Variants in CEP76 observed in about 807,000 individuals in gnomAD.
The protein encoded by CEP76 is centrosomal protein of 76 kDa.
A neutral mutation model predicts 83.3 loss-of-function variants in CEP76; 55 were observed. The ratio of observed to expected loss-of-function variants is 0.66; its 90% CI spans 0.53 to 0.83. The LOEUF (loss-of-function observed/expected upper bound fraction) is 0.83, where lower values mean the gene tolerates loss of function less well. Ranked by LOEUF, CEP76 falls within the 40% of genes least tolerant of loss-of-function variation. CEP76 has a pLI of 0.00. For synonymous variants in CEP76, 270 were observed against 274.5 expected (o/e 0.98, Z 0.16); for missense variants, 694 against 799.5 (o/e 0.87, Z 1.59).
chr18:12,697,528 C>CT (rs2039998709), intron 4 of CEP76, 120 bp from the exon 5 acceptor site: 2 of 695,136 alleles, frequency 2.9e-6, no homozygotes, highest in Non-Finnish European at 4.5e-6. Flanking sequence ...GAACAATTTG[C>CT]TAATGTCTCA....
intron 5 of CEP76, among the ~76,000 whole-genome samples, chr18:12,696,698 CTA>C (rs2039970029): frequency 1.3e-5 from 2 of 152,000 alleles, no homozygotes; most frequent in African/African-American, 2.4e-5. Context: ...TCCAAGGAGA[CTA>C]TGATAAATAA....
At chr18:12,678,660 C>T (rs1459866174) in intron 9 of CEP76, among the ~76,000 whole-genome samples, 2 of 151,986 alleles carry the variant, frequency 1.3e-5, no homozygotes, top group South Asian at 2.1e-4. Flanking sequence ...CAACAGAATA[C>T]ATTCTATGTA....
At chr18:12,663,544 A>T (rs1238947014) in intron 12 of CEP76, 1 of 152,144 alleles carries the variant, frequency 6.6e-6, no homozygotes, top group Non-Finnish European at 1.5e-5. Context: ...AGGTGCTGGG[A>T]TTACAGATGT....
chr18:12,668,819 C>T (rs375611555), downstream of CEP76, among the ~76,000 whole-genome samples: 9 of 140,100 alleles, frequency 6.4e-5, no homozygotes, highest in African/African-American at 2.4e-4. Context: ...CGGCTCACTG[C>T]AGCCTTCGCC....
intron 7 of CEP76, 55 bp downstream of exon 7, chr18:12,691,304 C>T (rs1472477258): frequency 3.6e-6 from 4 of 1,113,434 alleles, no homozygotes; most frequent in African/African-American, 1.6e-5. Flanking sequence ...AATTTACACA[C>T]ATAACAGTAA....
chr18:12,679,777 T>A (rs1048884931), intron 9 of CEP76, among the ~76,000 whole-genome samples: 1 of 152,060 alleles, frequency 6.6e-6, no homozygotes, highest in Admixed American at 6.6e-5. Context: ...AAAAAACATA[T>A]GCCAGCCAGG....
chr18:12,691,610 T>G lies in CEP76; in HGVS notation c.805-123A>C, dbSNP rs1318150163. The stretch of plus-strand genomic sequence containing the variant: ...CCTAATCTGAGTCATCATCATCTTC[T>G]ATAAGAGCCTCCTGACTTCCCTATT... On this transcript the variant is annotated intron_variant, in intron 6 of 11. Coordinates refer to ENST00000262127, the MANE Select transcript of CEP76 (RefSeq NM_024899.4). The G allele has an allele frequency of 6.1e-6, 4 of 653,682 alleles. No homozygotes were observed. In the East Asian group the frequency reaches 1.2e-4, roughly 19 times the overall value. The allele number at this position is 653,682 out of a possible 1,614,324, so 40.5% of individuals were successfully genotyped here. A position where few individuals can be genotyped will look rare whatever the true frequency, so the allele number is the denominator to read the frequency against.
At chr18:12,691,755 G>A (rs535319356) in intron 6 of CEP76, among the ~76,000 whole-genome samples, 4 of 145,650 alleles carry the variant, frequency 2.7e-5, no homozygotes, top group South Asian at 2.2e-4. Flanking sequence ...TTGCTCTGTC[G>A]CCCAGGCTGG....
At position 12,699,215 on chromosome 18, in the gene CEP76, A is replaced by G; in HGVS notation, c.296-12T>C. ...TGGATCAATATTAGCTGTAAAGTGTAGCAATATATATGAGGAAACTGCCAA... is the reference window on the plus strand; with the variant it reads ...TGGATCAATATTAGCTGTAAAGTGTGGCAATATATATGAGGAAACTGCCAA... On this transcript the variant is annotated splice_polypyrimidine_tract_variant and intron_variant, in intron 3 of 11. Transcript: ENST00000262127. 2 of 1,552,964 alleles carry G rather than the reference A, an allele frequency of 1.3e-6. No homozygotes were observed. Among genetic ancestry groups the G allele is most frequent in the Non-Finnish European group, 1.8e-6 (2 of 1,128,894 alleles).
chr18:12,673,238 C>A lies in CEP76; in HGVS notation c.*127G>T. On this transcript the variant is annotated 3_prime_UTR_variant, in exon 12 of 12. Transcript: ENST00000262127. ...TTAAACATTACCAGTCAAGTATATA[C>A]AAAATTGAAGTATGCCATTCAAGCC... 1 of 1,423,652 alleles carries A rather than the reference C, an allele frequency of 7.0e-7. No individual in the cohort carries two copies. Among genetic ancestry groups the A allele is most frequent in the Non-Finnish European group, 9.2e-7 (1 of 1,090,526 alleles). 88.2% of individuals were successfully genotyped at this position (1,423,652 alleles called of 1,614,324 possible). A position where few individuals can be genotyped will look rare whatever the true frequency, so the allele number is the denominator to read the frequency against.
chr18:12,679,639 G>A (rs1250465049), intron 9 of CEP76, among the ~76,000 whole-genome samples: 2 of 152,096 alleles, frequency 1.3e-5, no homozygotes, highest in African/African-American at 4.8e-5. Context: ...TCTAATGACA[G>A]GCTAAAGTAC....
intron 7 of CEP76, 161 bp downstream of exon 7, chr18:12,691,198 A>ACT (rs1224765849): frequency 8.3e-6 from 4 of 484,002 alleles, no homozygotes; most frequent in Non-Finnish European, 1.4e-5. Context: ...CTTGCCACTC[A>ACT]CTATGCAGTG....
At chr18:12,697,927 TTG>T (rs2040012071) in intron 4 of CEP76, among the ~76,000 whole-genome samples, 1 of 152,134 alleles carries the variant, frequency 6.6e-6, no homozygotes, top group African/African-American at 2.4e-5. Flanking sequence ...AAATCTAAAA[TTG>T]TGAAGACATT....
At chr18:12,680,393 C>T (rs62096020) in intron 9 of CEP76, among the ~76,000 whole-genome samples, 42 of 151,836 alleles carry the variant, frequency 2.8e-4, no homozygotes, top group African/African-American at 8.9e-4. Flanking sequence ...GTCAGGAGTT[C>T]GAGACCAGCC....
intron 12 of CEP76, among the ~76,000 whole-genome samples, chr18:12,665,952 C>G (rs143018747): frequency 1.3e-5 from 2 of 152,252 alleles, no homozygotes; most frequent in African/African-American, 4.8e-5. Flanking sequence ...ACCCTGGCCT[C>G]CCAAAGTGCT....
intron 12 of CEP76, among the ~76,000 whole-genome samples, chr18:12,667,489 G>A (rs937318736): frequency 1.3e-5 from 2 of 151,950 alleles, no homozygotes; most frequent in South Asian, 2.1e-4. Flanking sequence ...CGGCCAGGCC[G>A]GGTGGCTCAT....
At chr18:12,677,893 G>A (rs2039200932) in intron 10 of CEP76, among the ~76,000 whole-genome samples, 1 of 152,172 alleles carries the variant, frequency 6.6e-6, no homozygotes, top group African/African-American at 2.4e-5. Context: ...CTAGGAGGAA[G>A]TAATTCATTC....
intron 1 of CEP76, among the ~76,000 whole-genome samples, chr18:12,702,000 G>A (rs1889129971): frequency 6.6e-6 from 1 of 152,070 alleles, no homozygotes; most frequent in Non-Finnish European, 1.5e-5. Context: ...GGTGGCGCGC[G>A]CCTGTAATCC....
At chr18:12,698,824 TG>T in intron 4 of CEP76, 154 bp downstream of exon 4, 1 of 599,482 alleles carries the variant, frequency 1.7e-6, no homozygotes, top group East Asian at 2.8e-5. Flanking sequence ...TGCAAGAAGG[TG>T]GATAGTAGTT....
Sources: allele counts gnomAD v4.1 joint callset (sites outside exome capture counted in the v4.1 genomes callset), GRCh38; gene constraint gnomAD v4.1.1; transcripts MANE v1.5; gene names NCBI Gene and HGNC (gene_info 2026-07-23, HGNC 2026-07-21).